The following CASZ1 variants were observed in gnomAD, a reference collection of about 807,000 sequenced individuals.
CASZ1 encodes the protein castor zinc finger 1, also known as zinc finger protein castor homolog 1.
CASZ1 carries 28 observed loss-of-function variants against 135.2 expected under a neutral mutation model. The observed-to-expected ratio is 0.21, with a 90% CI of 0.15 to 0.28. The LOEUF (loss-of-function observed/expected upper bound fraction) is 0.28. Ranked by LOEUF, CASZ1 falls within the 10% of genes least tolerant of loss-of-function variation. CASZ1 has a pLI of 1.00. For missense variants in CASZ1, 2,161 were observed against 2,453.3 expected (o/e 0.88, Z 2.52); for synonymous variants, 1,068 against 1,073.4 (o/e 0.99, Z 0.10).
In CASZ1 at chr1:10,794,650, C is replaced by T. The variant is rs1041185867; in HGVS notation, c.-234+1914G>A. 1.3e-5 allele frequency among the ~76,000 whole-genome samples: 2 copies of T among 152,198 alleles called. No individual in the cohort carries two copies. Among genetic ancestry groups the T allele is most frequent in the African/African-American group, 4.8e-5 (2 of 41,440 alleles). The stretch of plus-strand genomic sequence containing the variant: ...GTGTGGAGGAAGAGGGGGTCCCCTG[C>T]CTCCCTCAGCGCTCCACTAGCCTCC... On this transcript the variant is annotated intron_variant, in intron 1 of 20. Coordinates refer to ENST00000377022, the MANE Select transcript of CASZ1 (RefSeq NM_001079843.3). This position sits in a 1 kb window ranked among gnomAD's most constrained non-coding sequence, Gnocchi z 5.6.
At chr1:10,671,526 G>C (rs1643398316) in intron 4 of CASZ1, among the ~76,000 whole-genome samples, 1 of 152,228 alleles carries the variant, frequency 6.6e-6, no homozygotes, top group Non-Finnish European at 1.5e-5. Context: ...CTCAGTGCCT[G>C]AGCTGCCCTG....
chr1:10,656,947 C>T (rs1642820740), intron 7 of CASZ1, among the ~76,000 whole-genome samples: 1 of 152,278 alleles, frequency 6.6e-6, no homozygotes, highest in Non-Finnish European at 1.5e-5. Flanking sequence ...GGCAGGACAA[C>T]ACTGAGGTGG....
intron 4 of CASZ1, among the ~76,000 whole-genome samples, chr1:10,674,925 G>A (rs1020824729): frequency 2.6e-5 from 4 of 152,182 alleles, no homozygotes; most frequent in African/African-American, 4.8e-5. Context: ...GCCCTCTGTC[G>A]TGGCAGCAGG....
At chr1:10,686,548 AGGCG>A (rs1436923299) in intron 4 of CASZ1, among the ~76,000 whole-genome samples, 1 of 152,164 alleles carries the variant, frequency 6.6e-6, no homozygotes, top group Non-Finnish European at 1.5e-5. Flanking sequence ...CTGGAAGACA[AGGCG>A]GGTAGGGTGT....
At position 10,701,006 on chromosome 1, in the gene CASZ1, G is replaced by A. The variant is rs1037312426; in HGVS notation, c.-24+4486C>T. 2.0e-5 allele frequency among the ~76,000 whole-genome samples: 3 copies of A among 152,200 alleles called. No homozygotes were observed. Among genetic ancestry groups the A allele is most frequent in the Non-Finnish European group, 1.5e-5 (1 of 68,042 alleles). On this transcript the variant is annotated intron_variant, in intron 3 of 20. Transcript: ENST00000377022. This position sits in a 1 kb window ranked among gnomAD's most constrained non-coding sequence, Gnocchi z 6.3. ...GTTGTTGTCACACAGCACTCAGCCCGCACACAGTCAGTGCTCAATAAGGAT... is the reference window on the plus strand; with the variant it reads ...GTTGTTGTCACACAGCACTCAGCCCACACACAGTCAGTGCTCAATAAGGAT...
chr1:10,658,538 T>A lies in CASZ1; in HGVS notation c.1379A>T (p.Asp460Val). The A allele has an allele frequency of 6.2e-7, 1 of 1,614,108 alleles. No homozygotes were observed. Among genetic ancestry groups the A allele is most frequent in the Non-Finnish European group, 8.5e-7 (1 of 1,179,994 alleles). The change falls in exon 7 of 21, where the codon GAT becomes GTT. Residue 460 changes from aspartate to valine, a missense_variant. Asp to Val is a radical substitution (Grantham distance 152). Around this residue, in one of 7 missense-constraint regions of CASZ1, gnomAD observed 248 missense variants for 410.8 expected, o/e 0.60. Coordinates refer to ENST00000377022, the MANE Select transcript of CASZ1 (RefSeq NM_001079843.3). ...AATATATTTCTGGTAAATGTTTACATCTTCAGTGACGGCTGGTTTATCTGT... is the reference window on the plus strand; with the variant it reads ...AATATATTTCTGGTAAATGTTTACAACTTCAGTGACGGCTGGTTTATCTGT... ...LPTDKPAVTE[D>V]VNIYQKYIAR...
chr1:10,653,821 G>C lies in CASZ1; in HGVS notation c.2236C>G (p.Gln746Glu), dbSNP rs1490429341. ...GCGGCAGCCAGGGACGCAGAGGACT[G>C]CTGGCTGGTAGGGGAGGCGCTCAGG... ...SSLSASPTSQ[Q>E]SSASLAAATA... Residue 746 changes from glutamine to glutamate, a missense_variant, in exon 11 of 21, where the codon CAG (glutamine) becomes GAG (glutamate). Transcript: ENST00000377022. The C allele has an allele frequency of 6.2e-7, 1 of 1,609,168 alleles. No individual in the cohort carries two copies. Among genetic ancestry groups the C allele is most frequent in the East Asian group, 2.2e-5 (1 of 44,792 alleles).
intron 2 of CASZ1, among the ~76,000 whole-genome samples, chr1:10,716,532 C>T (rs559045044): frequency 6.6e-6 from 1 of 152,340 alleles, no homozygotes; most frequent in African/African-American, 2.4e-5. Flanking sequence ...TGCACTTGAG[C>T]CCCTGTGCTG....
At chr1:10,770,815 GCA>G (rs1640562637) in intron 1 of CASZ1, among the ~76,000 whole-genome samples, 3 of 152,236 alleles carry the variant, frequency 2.0e-5, no homozygotes, top group Admixed American at 2.0e-4. Context: ...GGGGCCATCT[GCA>G]AAGTCAACCC....
chr1:10,763,468 G>A (rs907304110), intron 1 of CASZ1, among the ~76,000 whole-genome samples: 26 of 152,120 alleles, frequency 1.7e-4, no homozygotes, highest in African/African-American at 6.3e-4. Context: ...TGGACAAGAG[G>A]CGTGAAAGGG....
intron 4 of CASZ1, among the ~76,000 whole-genome samples, chr1:10,668,549 G>A (rs1467411960): frequency 2.0e-5 from 3 of 152,206 alleles, no homozygotes; most frequent in Non-Finnish European, 2.9e-5. Flanking sequence ...GGGCTGCCGA[G>A]GTGGGCTGGG....
Position 10,639,134 on chromosome 1 carries a change from G to T in CASZ1, c.5088C>A (p.Asp1696Glu), listed in dbSNP as rs763365702. The T allele has an allele frequency of 1.8e-6, 2 of 1,122,856 alleles. No homozygotes were observed. The highest frequency in any genetic ancestry group is 6.2e-5 in the East Asian group (1 of 16,176). The allele number at this position is 1,122,856 out of a possible 1,614,324, so 69.6% of individuals were successfully genotyped here. A position where few individuals can be genotyped will look rare whatever the true frequency, so the allele number is the denominator to read the frequency against. ...CCTCGTCGTCGTCGTCCTCGTCGTCGTCCTCGTCCTCGTCGTCTTCGGCCT... is the reference window on the plus strand; with the variant it reads ...CCTCGTCGTCGTCGTCCTCGTCGTCTTCCTCGTCCTCGTCGTCTTCGGCCT... ...EEEAEDDEDE[D>E]DDEDDDDEDD... The change falls in exon 21 of 21, where the codon GAC becomes GAA. Residue 1696 changes from aspartate (D) to glutamate (E), a missense_variant. Physicochemically the swap from Asp to Glu is conservative, Grantham distance 45. Around this residue, in one of 7 missense-constraint regions of CASZ1, gnomAD observed 185 missense variants for 134.7 expected, o/e 1.37. Transcript: ENST00000377022. The surrounding 1 kb of genome is among the most constrained non-coding windows in gnomAD (Gnocchi z 4.0).
rs1290874244 is a variant in CASZ1 at position 10,724,150 on chromosome 1, G to A, written c.-76-18606C>T. 2.6e-5 allele frequency among the ~76,000 whole-genome samples: 4 copies of A among 152,136 alleles called. No individual in the cohort carries two copies. Among genetic ancestry groups the A allele is most frequent in the South Asian group, 2.1e-4 (1 of 4,824 alleles). ...TTGCCAAAAGAGGTGTCAGGCTAAC[G>A]TTACACCAGCTTTAAAAATACCCCA... On this transcript the variant is annotated intron_variant, in intron 2 of 20. Transcript: ENST00000377022. This position sits in a 1 kb window ranked among gnomAD's most constrained non-coding sequence, Gnocchi z 4.1.
rs954749497 is a variant in CASZ1 at position 10,721,221 on chromosome 1, C to T, written c.-76-15677G>A. ...GGTTAACTCCAGACAGAGGGGCTGG[C>T]TGGCTTTCCTTCACTCTACCTCAAT... On this transcript the variant is annotated intron_variant, in intron 2 of 20. Coordinates refer to ENST00000377022, the MANE Select transcript of CASZ1 (RefSeq NM_001079843.3). The surrounding 1 kb of genome is among the most constrained non-coding windows in gnomAD (Gnocchi z 5.4). 1.3e-5 allele frequency among the ~76,000 whole-genome samples: 2 copies of T among 152,120 alleles called. No homozygotes were observed. The highest frequency in any genetic ancestry group is 2.9e-5 in the Non-Finnish European group (2 of 68,018).
Position 10,726,364 on chromosome 1 carries a change from G to C in CASZ1, c.-76-20820C>G, listed in dbSNP as rs1249176871. ...ACCAACAGCCACGCTCTGGGATGCC[G>C]CCATCCTCAGCCTACTCCGTATCTC... On this transcript the variant is annotated intron_variant, in intron 2 of 20. Transcript: ENST00000377022. This position sits in a 1 kb window ranked among gnomAD's most constrained non-coding sequence, Gnocchi z 5.7. Among the ~76,000 whole-genome samples the C allele has an allele frequency of 6.6e-6, 1 of 152,128 alleles. No individual in the cohort carries two copies. The highest frequency in any genetic ancestry group is 6.5e-5 in the Admixed American group (1 of 15,288).
intron 1 of CASZ1, among the ~76,000 whole-genome samples, chr1:10,783,648 G>A (rs1483430394): frequency 6.6e-6 from 1 of 151,974 alleles, no homozygotes; most frequent in African/African-American, 2.4e-5. Context: ...CTAGGTGGGT[G>A]GATCACTTGA....
intron 4 of CASZ1, among the ~76,000 whole-genome samples, chr1:10,685,351 C>T (rs1369377724): frequency 1.3e-5 from 2 of 152,176 alleles, no homozygotes; most frequent in Admixed American, 6.5e-5. Flanking sequence ...CCCATGAACC[C>T]GCTGGTGACA....
intron 1 of CASZ1, among the ~76,000 whole-genome samples, chr1:10,765,871 C>T (rs1214772321): frequency 6.6e-6 from 1 of 152,220 alleles, no homozygotes; most frequent in Non-Finnish European, 1.5e-5. Flanking sequence ...CCCACAGTTA[C>T]TATCTGTCTC....
At chr1:10,696,136 C>G (rs1463275180) in intron 3 of CASZ1, among the ~76,000 whole-genome samples, 1 of 152,242 alleles carries the variant, frequency 6.6e-6, no homozygotes, top group Non-Finnish European at 1.5e-5. Context: ...ACAATCTACT[C>G]TTTCTCCTAC....
Sources: allele counts gnomAD v4.1 joint callset (sites outside exome capture counted in the v4.1 genomes callset), GRCh38; gene constraint gnomAD v4.1.1; regional missense constraint gnomAD v4.1.1; non-coding constraint Gnocchi (gnomAD v3.1); transcripts MANE v1.5; gene names NCBI Gene and HGNC (gene_info 2026-07-23, HGNC 2026-07-21).